CNTN4: variants seen among roughly 807,000 people sequenced by gnomAD.
The protein encoded by CNTN4 is contactin-4.
In CNTN4, 77 loss-of-function variants were observed where a neutral mutation model predicts 122.5. The observed-to-expected ratio is 0.63, with a 90% CI of 0.52 to 0.76. The LOEUF is 0.76. Ranked by LOEUF, CNTN4 falls within the 30% of genes least tolerant of loss-of-function variation. The pLI is 0.00. For synonymous variants in CNTN4, 512 were observed against 447.0 expected (o/e 1.15, Z -1.83); for missense variants, 1,256 against 1,259.1 (o/e 1.00, Z 0.04).
At chr3:2,495,998 G>C (rs934211117) in intron 3 of CNTN4, among the ~76,000 whole-genome samples, 1 of 152,176 alleles carries the variant, frequency 6.6e-6, no homozygotes, top group Non-Finnish European at 1.5e-5. Flanking sequence ...TAACCATCCA[G>C]ATGATAGATT....
intron 14 of CNTN4, among the ~76,000 whole-genome samples, chr3:2,990,350 AG>A (rs1263554442): frequency 6.6e-6 from 1 of 152,206 alleles, no homozygotes; most frequent in Non-Finnish European, 1.5e-5. Flanking sequence ...CCACCCCAAT[AG>A]AATAATTAGC....
chr3:2,513,498 CT>C (rs749746423), intron 3 of CNTN4, among the ~76,000 whole-genome samples: 2 of 150,366 alleles, frequency 1.3e-5, no homozygotes, highest in South Asian at 2.1e-4. Context: ...GTTTCGATTT[CT>C]TTTTTTTTCA....
intron 2 of CNTN4, among the ~76,000 whole-genome samples, chr3:2,234,370 C>CAGAAA (rs2039603107): frequency 1.1e-5 from 1 of 94,742 alleles, no homozygotes. Context: ...AAGTCCATCT[C>CAGAAA]AAAAAAAAAA....
Position 2,268,372 on chromosome 3 carries a change from A to G in CNTN4, c.-144-70806A>G, listed in dbSNP as rs544931899. ...AATATCTAGTATTTACATGCGTGTG[A>G]CTTCTCAGGAATTATAACGAGAGCC... On this transcript the variant is annotated intron_variant, in intron 2 of 24. Coordinates refer to ENST00000418658, the MANE Select transcript of CNTN4 (RefSeq NM_175607.3). Among the ~76,000 whole-genome samples the G allele has an allele frequency of 7.2e-5, 11 of 152,146 alleles. No individual in the cohort carries two copies. In the South Asian group the frequency reaches 2.1e-3, roughly 29 times the overall value.
chr3:2,627,574 A>G (rs370098026), intron 4 of CNTN4, among the ~76,000 whole-genome samples: 15 of 150,536 alleles, frequency 1.0e-4, no homozygotes, highest in African/African-American at 2.2e-4. Flanking sequence ...GCTCACTGCA[A>G]GCTCCGCCTC....
chr3:2,647,597 A>G (rs1381626447), intron 4 of CNTN4, among the ~76,000 whole-genome samples: 1 of 152,134 alleles, frequency 6.6e-6, no homozygotes, highest in African/African-American at 2.4e-5. Context: ...ACCTAGGCTT[A>G]CACCTCATAT....
chr3:3,054,122 C>T, intron 24 of CNTN4, 147 bp downstream of exon 24: 1 of 874,414 alleles, frequency 1.1e-6, no homozygotes, highest in Non-Finnish European at 1.8e-6. Context: ...CAGATGTTTG[C>T]TGGCCATAGG....
intron 3 of CNTN4, among the ~76,000 whole-genome samples, chr3:2,549,849 G>A (rs559460793): frequency 1.5e-4 from 23 of 152,180 alleles, no homozygotes; most frequent in South Asian, 1.2e-3. Flanking sequence ...TTGGTTGGTA[G>A]GCTATTAATT....
chr3:2,389,858 A>G (rs1353211916), intron 3 of CNTN4, among the ~76,000 whole-genome samples: 1 of 152,212 alleles, frequency 6.6e-6, no homozygotes, highest in East Asian at 1.9e-4. Context: ...ATTATGAGGA[A>G]ACATCACACA....
rs938219930 is a variant in CNTN4, at chr3:2,380,025, C to G, written c.-89+40792C>G. 8.9e-5 allele frequency among the ~76,000 whole-genome samples: 13 copies of G among 145,650 alleles called. No homozygotes were observed. In the East Asian group the frequency reaches 2.7e-3, roughly 30 times the overall value. ...TGAGCTGAGATCGCACCATTGCATT[C>G]CAGCTTGGTCAACAAGAGTGAAACT... On this transcript the variant is annotated intron_variant, in intron 3 of 24. Coordinates refer to ENST00000418658, the MANE Select transcript of CNTN4 (RefSeq NM_175607.3).
At chr3:2,729,492 C>T (rs145502630) in intron 4 of CNTN4, among the ~76,000 whole-genome samples, 3,005 of 125,936 alleles carry the variant, frequency 0.024, 166 homozygotes, top group African/African-American at 0.088. Context: ...TGCAGTGAGC[C>T]GAGATCGTGC....
chr3:2,808,111 A>C (rs768526132), intron 6 of CNTN4, among the ~76,000 whole-genome samples: 1 of 152,104 alleles, frequency 6.6e-6, no homozygotes, highest in Non-Finnish European at 1.5e-5. Context: ...TTGAATGAAA[A>C]AGTTTGAGAT....
chr3:2,482,353 G>A (rs1484461761), intron 3 of CNTN4, among the ~76,000 whole-genome samples: 1 of 151,894 alleles, frequency 6.6e-6, no homozygotes, highest in Non-Finnish European at 1.5e-5. Flanking sequence ...CCTGACAGAA[G>A]CAATTTCTAA....
chr3:2,388,177 T>C (rs1222459249), intron 3 of CNTN4, among the ~76,000 whole-genome samples: 1 of 152,218 alleles, frequency 6.6e-6, no homozygotes, highest in Non-Finnish European at 1.5e-5. Context: ...AAAGAGCCAG[T>C]ACAAACTATT....
chr3:2,457,737 C>T (rs1333330964), intron 3 of CNTN4, among the ~76,000 whole-genome samples: 3 of 152,086 alleles, frequency 2.0e-5, no homozygotes, highest in Admixed American at 1.3e-4. Flanking sequence ...AGTTGATTTT[C>T]TCAACCTAAA....
intron 2 of CNTN4, among the ~76,000 whole-genome samples, chr3:2,309,239 T>G (rs1429843920): frequency 6.6e-6 from 1 of 152,136 alleles, no homozygotes; most frequent in Non-Finnish European, 1.5e-5. Context: ...ATTTTTGGCT[T>G]AAAGTATTGA....
At chr3:2,419,231 T>C (rs1006852427) in intron 3 of CNTN4, among the ~76,000 whole-genome samples, 6 of 152,152 alleles carry the variant, frequency 3.9e-5, no homozygotes, top group Non-Finnish European at 5.9e-5. Context: ...AAAAATTATA[T>C]TGGATGAAAA....
chr3:2,701,317 A>T (rs928053403), intron 4 of CNTN4, among the ~76,000 whole-genome samples: 3 of 152,162 alleles, frequency 2.0e-5, no homozygotes, highest in African/African-American at 7.2e-5. Context: ...CCTGGAAATG[A>T]GAAATGAATT....
chr3:2,570,541 A>G (rs954397203), intron 3 of CNTN4, among the ~76,000 whole-genome samples: 2 of 152,118 alleles, frequency 1.3e-5, no homozygotes, highest in African/African-American at 4.8e-5. Flanking sequence ...ATACAGTTAT[A>G]TTTTCAACTT....
Sources: gnomAD v4.1 joint callset for allele counts (sites outside exome capture counted in the v4.1 genomes callset) on GRCh38, gnomAD v4.1.1 for gene constraint, MANE v1.5 for transcripts, NCBI Gene and HGNC (gene_info 2026-07-23, HGNC 2026-07-21) for gene names.